NRDC: variants seen among roughly 807,000 people sequenced by gnomAD.
NRDC encodes the protein nardilysin convertase, also known as nardilysin.
A neutral mutation model predicts 147.1 loss-of-function variants in NRDC; 54 were observed. The observed-to-expected ratio is 0.37, with a 90% CI of 0.29 to 0.46. NRDC has a LOEUF of 0.46. Ranked by LOEUF, NRDC falls within the 20% of genes least tolerant of loss-of-function variation. The pLI is 1.00. For missense variants in NRDC, 1,082 were observed against 1,370.6 expected (o/e 0.79, Z 3.33); for synonymous variants, 440 against 482.1 (o/e 0.91, Z 1.14).
At chr1:51,794,393 T>TA (rs1397371602) in intron 24 of NRDC, 79 bp downstream of exon 24, 1 of 1,419,600 alleles carries the variant, frequency 7.0e-7, no homozygotes, top group Non-Finnish European at 9.8e-7. Context: ...GAAGTAACTA[T>TA]AAAAGGGCCT....
rs1216367221 is a variant in NRDC at position 51,840,412 on chromosome 1, C to T, written c.444G>A (p.Glu148=). ...GNTTDDEEEE[E]VEEEEEDDDE... is the part of the protein sequence containing the mutation. ...CATCATCTTCTTCTTCTTCCTCCACCTCCTCTTCTTCTTCATCATCTGTTG... is the reference window on the plus strand; with the variant it reads ...CATCATCTTCTTCTTCTTCCTCCACTTCCTCTTCTTCTTCATCATCTGTTG... The change falls in exon 2 of 31, where the codon GAG becomes GAA. Residue 148 remains glutamate, a synonymous_variant. Transcript: ENST00000352171. 6.3e-7 allele frequency: 1 copy of T among 1,590,596 alleles called. No individual in the cohort carries two copies. The highest frequency in any genetic ancestry group is 8.6e-7 in the Non-Finnish European group (1 of 1,158,880).
chr1:51,874,795 T>C (rs1253262827), intron 1 of NRDC, among the ~76,000 whole-genome samples: 3 of 152,006 alleles, frequency 2.0e-5, no homozygotes, highest in Non-Finnish European at 4.4e-5. Context: ...AAAAGCATAA[T>C]AGGTGTCCTG....
At chr1:51,836,106 G>A (rs752892151) in intron 3 of NRDC, 25 bp downstream of exon 3, 11 of 1,595,466 alleles carry the variant, frequency 6.9e-6, no homozygotes, top group Non-Finnish European at 9.5e-6. Flanking sequence ...AAACACACCA[G>A]GAATGATATT....
At position 51,873,195 on chromosome 1, in the gene NRDC, G is replaced by A. The variant is rs943469847; in HGVS notation, c.341+5080C>T. 2.0e-5 allele frequency among the ~76,000 whole-genome samples: 3 copies of A among 151,940 alleles called. 1 individual carries two copies. Among genetic ancestry groups the A allele is most frequent in the South Asian group, 4.1e-4 (2 of 4,824 alleles). On this transcript the variant is annotated intron_variant, in intron 1 of 30. Coordinates refer to ENST00000352171, the MANE Select transcript of NRDC (RefSeq NM_001101662.2). ...AAAAAAAAAAGTTCTCTTGTTTTCT[G>A]GTGTATAGTTTTCTTCTGATACCTC...
chr1:51,858,923 A>G (rs955665528), intron 1 of NRDC, among the ~76,000 whole-genome samples: 4 of 152,238 alleles, frequency 2.6e-5, no homozygotes, highest in African/African-American at 9.6e-5. Context: ...AAATTTATGT[A>G]ACAAGTCAAA....
At position 51,796,244 on chromosome 1, in the gene NRDC, C is replaced by CT. The variant is rs571646295; in HGVS notation, c.2605-1391dup. Among the ~76,000 whole-genome samples the CT allele has an allele frequency of 5.4e-3, 790 of 145,104 alleles. 7 individuals are homozygous for CT. The highest frequency in any genetic ancestry group is 0.017 in the African/African-American group (680 of 39,784). ...GCTTCAATATTTTTCACTCCCAACT[C>CT]TTTTTTTTTTTTGAGACAGACTCTC... On this transcript the variant is annotated intron_variant, in intron 22 of 30. Transcript: ENST00000352171.
intron 1 of NRDC, among the ~76,000 whole-genome samples, chr1:51,870,555 C>T (rs571571594): frequency 1.3e-5 from 2 of 152,262 alleles, no homozygotes; most frequent in South Asian, 2.1e-4. Flanking sequence ...CCTTAGAGTT[C>T]CCCAGAGGAC....
At chr1:51,836,901 G>C (rs1681005562) in intron 2 of NRDC, among the ~76,000 whole-genome samples, 1 of 150,598 alleles carries the variant, frequency 6.6e-6, no homozygotes, top group African/African-American at 2.4e-5. Flanking sequence ...TAACAAAATT[G>C]ATGGCCAAGA....
In NRDC at chr1:51,791,673, A is replaced by G; in HGVS notation, c.2877-12T>C. The stretch of plus-strand genomic sequence containing the variant: ...GGTAGACATGGTACCTACAAGCCAG[A>G]GAGAAAAGTTATATGAGCTCAGGTG... On this transcript the variant is annotated splice_polypyrimidine_tract_variant and intron_variant, in intron 26 of 30. Transcript: ENST00000352171. The G allele has an allele frequency of 1.2e-6, 2 of 1,606,136 alleles. No individual in the cohort carries two copies.
chr1:51,810,685 A>T (rs923915945), intron 15 of NRDC, among the ~76,000 whole-genome samples: 2 of 152,264 alleles, frequency 1.3e-5, no homozygotes, highest in Non-Finnish European at 2.9e-5. Flanking sequence ...CAGTAAAAAT[A>T]GCTATCCTTT....
chr1:51,874,814 C>T (rs1683246697), intron 1 of NRDC, among the ~76,000 whole-genome samples: 1 of 152,004 alleles, frequency 6.6e-6, no homozygotes, highest in South Asian at 2.1e-4. Context: ...TGGAAATATG[C>T]CCAACATTTC....
chr1:51,794,803 G>A lies in NRDC; in HGVS notation c.2636+20C>T. On this transcript the variant is annotated intron_variant, in intron 23 of 30. Coordinates refer to ENST00000352171, the MANE Select transcript of NRDC (RefSeq NM_001101662.2). ...GCTGGTAAGAACACATAACCCCAAAGAGAAAATTCAAATACTTACTCAACA... is the reference window on the plus strand; with the variant it reads ...GCTGGTAAGAACACATAACCCCAAAAAGAAAATTCAAATACTTACTCAACA... 2.5e-6 allele frequency: 4 copies of A among 1,613,644 alleles called. No individual in the cohort carries two copies. Among genetic ancestry groups the A allele is most frequent in the Non-Finnish European group, 3.4e-6 (4 of 1,179,828 alleles).
At chr1:51,864,714 G>C (rs1682717293) in intron 1 of NRDC, among the ~76,000 whole-genome samples, 1 of 151,998 alleles carries the variant, frequency 6.6e-6, no homozygotes, top group Non-Finnish European at 1.5e-5. Context: ...AACTTTGGGA[G>C]GACAAGGAGG....
At chr1:51,852,819 T>G (rs1416160439) in intron 1 of NRDC, among the ~76,000 whole-genome samples, 1 of 152,086 alleles carries the variant, frequency 6.6e-6, no homozygotes, top group Non-Finnish European at 1.5e-5. Context: ...TTCTGAGACG[T>G]TGACAAAGAC....
intron 22 of NRDC, among the ~76,000 whole-genome samples, chr1:51,796,066 A>G (rs1678888859): frequency 6.6e-6 from 1 of 151,864 alleles, no homozygotes; most frequent in African/African-American, 2.4e-5. Context: ...ATTTTTTTGG[A>G]AGTGGTGTCT....
chr1:51,796,776 C>T (rs1163881191), intron 22 of NRDC, among the ~76,000 whole-genome samples: 7 of 149,116 alleles, frequency 4.7e-5, no homozygotes, highest in African/African-American at 1.5e-4. Flanking sequence ...TTAGCAGAGA[C>T]GGGGTTTCAC....
intron 1 of NRDC, among the ~76,000 whole-genome samples, chr1:51,866,055 C>CA (rs1163450168): frequency 0.019 from 2,705 of 141,720 alleles, 75 homozygotes; most frequent in African/African-American, 0.065. Flanking sequence ...GACTCCATCT[C>CA]AAAAAAAAAA....
Position 51,806,800 on chromosome 1 carries a change from G to A in NRDC, c.2104C>T (p.Pro702Ser), listed in dbSNP as rs1679485442. 2 of 1,613,314 alleles carry A rather than the reference G, an allele frequency of 1.2e-6. No homozygotes were observed. Among genetic ancestry groups the A allele is most frequent in the East Asian group, 4.5e-5 (2 of 44,834 alleles). Residue 702 changes from proline to serine, a missense_variant, in exon 18 of 31, where the codon CCC (proline) becomes TCC (serine). This residue lies in a region of NRDC where 635 missense variants were observed against 923.8 expected (regional missense o/e 0.69). Transcript: ENST00000352171. Reference sequence around the variant, plus strand: ...CAGGAGGGCAACATTTTACCTTTGGGGATTTTGAATTTGTTGTCTTTCTTA... The same window carrying A: ...CAGGAGGGCAACATTTTACCTTTGGAGATTTTGAATTTGTTGTCTTTCTTA... The part of the protein sequence containing the change: ...WYKKDNKFKI[P>S]KAYIRFHLIS...
intron 8 of NRDC, 49 bp downstream of exon 8, chr1:51,821,449 G>T: frequency 7.8e-7 from 1 of 1,276,626 alleles, no homozygotes; most frequent in Non-Finnish European, 1.1e-6. Flanking sequence ...ACAAGATAAT[G>T]GTCTCTTTAA....
Sources: gnomAD v4.1 joint callset for allele counts (sites outside exome capture counted in the v4.1 genomes callset) on GRCh38, gnomAD v4.1.1 for gene constraint, gnomAD v4.1.1 regional missense constraint, MANE v1.5 for transcripts, NCBI Gene and HGNC (gene_info 2026-07-23, HGNC 2026-07-21) for gene names.